CLEC16A: variants seen among roughly 807,000 people sequenced by gnomAD.
The protein encoded by CLEC16A is protein CLEC16A.
In CLEC16A, 51 loss-of-function variants were observed where a neutral mutation model predicts 109.5. The observed-to-expected ratio is 0.47, with a 90% CI of 0.37 to 0.59. CLEC16A has a LOEUF of 0.59. Among genes scored for constraint, CLEC16A ranks in the 20% least tolerant of loss-of-function variants. CLEC16A has a pLI of 0.00. For missense variants in CLEC16A, 1,339 were observed against 1,394.0 expected, an observed-to-expected ratio of 0.96 and a Z score of 0.63; for synonymous variants, 673 against 564.2, an observed-to-expected ratio of 1.19 and a Z score of -2.73.
At chr16:11,147,209 A>C (rs1246541827) in intron 22 of CLEC16A, among the ~76,000 whole-genome samples, 1 of 152,172 alleles carries the variant, frequency 6.6e-6, no homozygotes, top group African/African-American at 2.4e-5. Flanking sequence ...CTAGGCACAG[A>C]ATTCCCCTTT....
chr16:11,050,111 C>T (rs779487935), intron 17 of CLEC16A, among the ~76,000 whole-genome samples: 1 of 152,226 alleles, frequency 6.6e-6, no homozygotes, highest in Non-Finnish European at 1.5e-5. Context: ...CATTTGGCGA[C>T]GGCCTTCTTG....
chr16:11,130,843 C>T (rs1028574454), intron 22 of CLEC16A, among the ~76,000 whole-genome samples: 7 of 152,186 alleles, frequency 4.6e-5, no homozygotes, highest in Admixed American at 2.0e-4. Context: ...ACACATCTTC[C>T]GATTTTATCT....
intron 22 of CLEC16A, among the ~76,000 whole-genome samples, chr16:11,148,711 C>T (rs909098507): frequency 3.9e-5 from 6 of 152,216 alleles, no homozygotes; most frequent in African/African-American, 1.4e-4. Context: ...GCCAGTGCTC[C>T]ATCCCCTGTA....
intron 19 of CLEC16A, among the ~76,000 whole-genome samples, chr16:11,078,091 G>A (rs2049491261): frequency 6.6e-6 from 1 of 151,610 alleles, no homozygotes; most frequent in Non-Finnish European, 1.5e-5. Flanking sequence ...CCTGAAAATA[G>A]AAGTGAAAAT....
At chr16:10,987,519 T>G (rs1224335689) in intron 10 of CLEC16A, among the ~76,000 whole-genome samples, 1 of 152,174 alleles carries the variant, frequency 6.6e-6, no homozygotes, top group African/African-American at 2.4e-5. Flanking sequence ...AAGAGCCAGT[T>G]GTGGTGGACA....
At chr16:10,979,440 T>A in intron 9 of CLEC16A, 58 bp downstream of exon 9, 1 of 1,496,992 alleles carries the variant, frequency 6.7e-7, no homozygotes, top group Admixed American at 1.8e-5. Context: ...GGCGTGCCAC[T>A]GCCTTGAAGA....
At position 10,962,592 on chromosome 16, in the gene CLEC16A, A is replaced by G; in HGVS notation, c.343+4A>G. The G allele has an allele frequency of 6.2e-7, 1 of 1,613,622 alleles. No homozygotes were observed. Among genetic ancestry groups the G allele is most frequent in the South Asian group, 1.1e-5 (1 of 91,066 alleles). On this transcript the variant is annotated splice_donor_region_variant and intron_variant, in intron 3 of 23. Transcript: ENST00000409790. ...ATCAGTCACGAGACCTCACTTTGTA[A>G]GGACATTCCTTGGTATTTGCCTCTG...
chr16:11,075,866 G>T (rs928166912), intron 19 of CLEC16A, among the ~76,000 whole-genome samples: 1 of 152,116 alleles, frequency 6.6e-6, no homozygotes, highest in African/African-American at 2.4e-5. Context: ...ACGAGGGCTG[G>T]CAAAGAAGCT....
intron 19 of CLEC16A, among the ~76,000 whole-genome samples, chr16:11,091,965 C>A (rs368878973): frequency 6.6e-6 from 1 of 152,118 alleles, no homozygotes; most frequent in African/African-American, 2.4e-5. Flanking sequence ...AGAAGGCTTC[C>A]CCGTCGGCTG....
chr16:11,154,254 A>G (rs1402087632), intron 22 of CLEC16A, among the ~76,000 whole-genome samples: 1 of 152,214 alleles, frequency 6.6e-6, no homozygotes, highest in Admixed American at 6.5e-5. Flanking sequence ...AACCATATGA[A>G]ATGGCTGTTT....
At chr16:11,088,591 C>T (rs1015598394) in intron 19 of CLEC16A, among the ~76,000 whole-genome samples, 2 of 152,196 alleles carry the variant, frequency 1.3e-5, no homozygotes, top group African/African-American at 4.8e-5. Flanking sequence ...GGTGCACAGC[C>T]TCGGGCAGGA....
intron 19 of CLEC16A, among the ~76,000 whole-genome samples, chr16:11,098,064 T>G (rs532198759): frequency 4.7e-4 from 72 of 152,280 alleles, no homozygotes; most frequent in Middle Eastern, 3.4e-3. Context: ...CCACACCAAT[T>G]AAATCAGACT....
At chr16:11,002,027 G>T (rs760726409) in intron 10 of CLEC16A, among the ~76,000 whole-genome samples, 18 of 152,092 alleles carry the variant, frequency 1.2e-4, no homozygotes, top group Non-Finnish European at 2.2e-4. Context: ...AACTTATTTG[G>T]GTTAAAATTA....
chr16:11,177,820 G>A (rs1166917938), intron 23 of CLEC16A, among the ~76,000 whole-genome samples: 1 of 151,286 alleles, frequency 6.6e-6, no homozygotes, highest in African/African-American at 2.4e-5. Context: ...TTTTGTTTTG[G>A]TTTTGCAAGC....
chr16:11,085,519 G>C (rs1388185106), intron 19 of CLEC16A, among the ~76,000 whole-genome samples: 3 of 152,226 alleles, frequency 2.0e-5, no homozygotes, highest in Non-Finnish European at 2.9e-5. Context: ...AGATGATGAG[G>C]CCCAACAACA....
In CLEC16A at chr16:11,166,688, T is replaced by C; in HGVS notation, c.2806+136T>C. ...TGATGCCGCTCAGGTGATCTGCACA[T>C]GAAGCCTCTAGAGATTCCTCTAACT... On this transcript the variant is annotated intron_variant, in intron 23 of 23. Coordinates refer to ENST00000409790, the MANE Select transcript of CLEC16A (RefSeq NM_015226.3). 8 of 908,368 alleles carry C rather than the reference T, an allele frequency of 8.8e-6. No homozygotes were observed. In the South Asian group the frequency reaches 1.6e-4, roughly 18 times the overall value. The allele number at this position is 908,368 out of a possible 1,614,324, so 56.3% of individuals were successfully genotyped here. A position where few individuals can be genotyped will look rare whatever the true frequency, so the allele number is the denominator to read the frequency against.
chr16:11,020,349 T>C, intron 12 of CLEC16A, 24 bp downstream of exon 12: 1 of 1,588,084 alleles, frequency 6.3e-7, no homozygotes, highest in African/African-American at 1.3e-5. Flanking sequence ...AGGTCGATGC[T>C]GAGTGCTCTC....
chr16:11,147,559 C>G (rs1272469936), intron 22 of CLEC16A, among the ~76,000 whole-genome samples: 1 of 152,190 alleles, frequency 6.6e-6, no homozygotes, highest in Non-Finnish European at 1.5e-5. Context: ...AAGCTCTACT[C>G]AGAACTTCTT....
At chr16:11,142,583 A>G (rs940183971) in intron 22 of CLEC16A, among the ~76,000 whole-genome samples, 1 of 152,238 alleles carries the variant, frequency 6.6e-6, no homozygotes, top group East Asian at 1.9e-4. Flanking sequence ...AGTGGTACAC[A>G]CTGGTGCAGC....
Sources: gnomAD v4.1 joint callset for allele counts (sites outside exome capture counted in the v4.1 genomes callset) on GRCh38, gnomAD v4.1.1 for gene constraint, MANE v1.5 for transcripts, NCBI Gene and HGNC (gene_info 2026-07-23, HGNC 2026-07-21) for gene names.